STON2: variants seen among roughly 807,000 people sequenced by gnomAD.
The protein encoded by STON2 is stonin-2.
In STON2, 29 loss-of-function variants were observed where a neutral mutation model predicts 65.7. The ratio of observed to expected loss-of-function variants is 0.44; its 90% CI spans 0.33 to 0.60. The LOEUF (loss-of-function observed/expected upper bound fraction) is 0.60, where lower values mean the gene tolerates loss of function less well. Among genes scored for constraint, STON2 ranks in the 20% least tolerant of loss-of-function variants. The pLI is 0.03. For synonymous variants in STON2, 404 were observed against 414.2 expected (o/e 0.98, Z 0.30); for missense variants, 1,054 against 1,118.1 (o/e 0.94, Z 0.82).
intron 5 of STON2, among the ~76,000 whole-genome samples, chr14:81,293,769 T>C (rs114496091): frequency 0.012 from 1,768 of 152,206 alleles, 36 homozygotes; most frequent in African/African-American, 0.04. Flanking sequence ...CAAGACATAG[T>C]AGCCAACTAG....
At chr14:81,407,055 G>A (rs1262055820) in intron 2 of STON2, among the ~76,000 whole-genome samples, 1 of 152,200 alleles carries the variant, frequency 6.6e-6, no homozygotes, top group East Asian at 1.9e-4. Flanking sequence ...CTGGAAAAGA[G>A]CCAAGGCGAG....
rs747293575 is a variant in STON2 at position 81,425,371 on chromosome 14, G to A, written c.-199+1731C>T. ...GAGGATCATTTGAGGTCAGGAGTTC[G>A]AGACCAGCTTAGCCAACAAAGTGAA... On this transcript the variant is annotated intron_variant, in intron 2 of 8. Coordinates refer to the STON2 transcript ENST00000553821. Among the ~76,000 whole-genome samples the A allele has an allele frequency of 5.9e-5, 9 of 152,170 alleles. 1 individual carries two copies. The highest frequency in any genetic ancestry group is 1.0e-4 in the Non-Finnish European group (7 of 67,992).
chr14:81,402,165 G>A (rs1418991181), upstream of STON2, among the ~76,000 whole-genome samples: 1 of 152,174 alleles, frequency 6.6e-6, no homozygotes, highest in African/African-American at 2.4e-5. Context: ...TAAAAGCAGA[G>A]AGTGACTCAA....
At chr14:81,431,336 C>A (rs1902217236) in intron 1 of STON2, among the ~76,000 whole-genome samples, 1 of 152,186 alleles carries the variant, frequency 6.6e-6, no homozygotes, top group African/African-American at 2.4e-5. Context: ...ATTTTATACA[C>A]ATTTAATATG....
chr14:81,429,154 T>C (rs1310586395), intron 1 of STON2, among the ~76,000 whole-genome samples: 1 of 152,250 alleles, frequency 6.6e-6, no homozygotes, highest in Non-Finnish European at 1.5e-5. Context: ...GGGCATAATA[T>C]GAGTAGGAGA....
intron 5 of STON2, among the ~76,000 whole-genome samples, chr14:81,318,401 G>A (rs569163271): frequency 2.6e-5 from 4 of 152,240 alleles, no homozygotes; most frequent in African/African-American, 9.6e-5. Flanking sequence ...CTAGGGTCCA[G>A]CTAGGACTTT....
At chr14:81,412,451 G>C (rs2371598) in intron 2 of STON2, among the ~76,000 whole-genome samples, 1 of 138,240 alleles carries the variant, frequency 7.2e-6, no homozygotes, top group East Asian at 2.6e-4. Context: ...TGAATGACCC[G>C]TGAGGACATC....
chr14:81,407,272 A>C (rs1488165515), intron 2 of STON2, among the ~76,000 whole-genome samples: 3 of 152,178 alleles, frequency 2.0e-5, no homozygotes, highest in Admixed American at 6.5e-5. Context: ...CAGACATCTA[A>C]ATACAGGTCA....
chr14:81,418,891 G>T (rs1901569541), intron 2 of STON2, among the ~76,000 whole-genome samples: 1 of 152,104 alleles, frequency 6.6e-6, no homozygotes, highest in South Asian at 2.1e-4. Context: ...AAAATACCTG[G>T]CAAGTAAACA....
At chr14:81,378,233 T>G (rs1332019671) in intron 3 of STON2, among the ~76,000 whole-genome samples, 2 of 152,156 alleles carry the variant, frequency 1.3e-5, no homozygotes, top group African/African-American at 4.8e-5. Context: ...GTTTTTATTC[T>G]GAGACAGTGT....
chr14:81,366,427 C>G (rs1898730736), intron 4 of STON2, among the ~76,000 whole-genome samples: 1 of 152,158 alleles, frequency 6.6e-6, no homozygotes, highest in African/African-American at 2.4e-5. Context: ...AGATGAATCA[C>G]AGAACATGAG....
intron 2 of STON2, among the ~76,000 whole-genome samples, chr14:81,421,259 A>G (rs973837753): frequency 6.6e-6 from 1 of 152,174 alleles, no homozygotes; most frequent in Non-Finnish European, 1.5e-5. Context: ...TGTTTTCTGA[A>G]CTATAGGTGA....
intron 5 of STON2, among the ~76,000 whole-genome samples, chr14:81,302,992 CT>C (rs775009859): frequency 1.3e-5 from 2 of 151,748 alleles, no homozygotes; most frequent in Non-Finnish European, 1.5e-5. Flanking sequence ...GAGTTGATTG[CT>C]TTTGTTAAAT....
chr14:81,329,327 C>A (rs1460239620), intron 4 of STON2, among the ~76,000 whole-genome samples: 1 of 151,890 alleles, frequency 6.6e-6, no homozygotes, highest in South Asian at 2.1e-4. Flanking sequence ...TGGTGGCAGG[C>A]GCCTGTAGTC....
At chr14:81,348,803 C>G (rs1897913368) in intron 4 of STON2, among the ~76,000 whole-genome samples, 1 of 151,974 alleles carries the variant, frequency 6.6e-6, no homozygotes, top group South Asian at 2.1e-4. Flanking sequence ...TGATACTGAG[C>G]AAAAAGAACC....
intron 4 of STON2, among the ~76,000 whole-genome samples, chr14:81,326,890 C>G (rs1897021190): frequency 1.3e-5 from 2 of 152,178 alleles, no homozygotes; most frequent in South Asian, 4.1e-4. Context: ...TTGGGGTGTA[C>G]AGTTTGACCT....
In STON2 at chr14:81,264,855, C is replaced by G; in HGVS notation, c.*3559G>C. On this transcript the variant is annotated 3_prime_UTR_variant, in exon 8 of 8. Coordinates refer to ENST00000614646, the MANE Select transcript of STON2 (RefSeq NM_001394390.1). The stretch of plus-strand genomic sequence containing the variant: ...CAGGCAAGGGGGATCATCTAATGGT[C>G]TCCCCACAAAGTGCCTCACATTGTC... The G allele has an allele frequency of 1.0e-6, 1 of 985,392 alleles. No homozygotes were observed. Among genetic ancestry groups the G allele is most frequent in the Non-Finnish European group, 1.2e-6 (1 of 829,914 alleles). 61.0% of individuals were successfully genotyped at this position (985,392 alleles called of 1,614,324 possible). A position where few individuals can be genotyped will look rare whatever the true frequency, so the allele number is the denominator to read the frequency against.
At chr14:81,295,052 C>T (rs898239807) in intron 5 of STON2, among the ~76,000 whole-genome samples, 1 of 152,058 alleles carries the variant, frequency 6.6e-6, no homozygotes, top group Non-Finnish European at 1.5e-5. Flanking sequence ...GGGCCGGGCA[C>T]GGTGGCTCAT....
intron 5 of STON2, among the ~76,000 whole-genome samples, chr14:81,291,543 A>G (rs982388623): frequency 4.6e-5 from 7 of 152,120 alleles, no homozygotes; most frequent in African/African-American, 1.7e-4. Flanking sequence ...GTATGGAAAG[A>G]AAATATTTTA....
Sources: allele counts gnomAD v4.1 joint callset (sites outside exome capture counted in the v4.1 genomes callset), GRCh38; gene constraint gnomAD v4.1.1; transcripts MANE v1.5; gene names NCBI Gene and HGNC (gene_info 2026-07-23, HGNC 2026-07-21).